NTMT2: variants seen among roughly 807,000 people sequenced by gnomAD.
NTMT2 encodes N-terminal Xaa-Pro-Lys N-methyltransferase 2.
NTMT2 carries 21 observed loss-of-function variants against 23.4 expected under a neutral mutation model. The ratio of observed to expected loss-of-function variants is 0.90; its 90% confidence interval spans 0.64 to 1.29. The LOEUF is 1.29. NTMT2 is among the 50% of genes most tolerant of loss of function. The pLI is 0.00. For missense variants in NTMT2, 336 were observed against 352.0 expected (o/e 0.95, Z 0.36); for synonymous variants, 131 against 127.7 (o/e 1.03, Z -0.17).
chr1:170,160,474 T>A (rs1428770034), intron 1 of NTMT2, 44 bp from the exon 2 acceptor site: 1 of 1,392,498 alleles, frequency 7.2e-7, no homozygotes, highest in East Asian at 2.6e-5. Flanking sequence ...GAGATTTTTT[T>A]ATCTTATAAA....
chr1:170,167,531 G>A lies in NTMT2; in HGVS notation c.626G>A (p.Arg209Gln), dbSNP rs78678262. The A allele has an allele frequency of 9.5e-3, 14,751 of 1,551,602 alleles. 387 individuals are homozygous for A. The highest frequency in any genetic ancestry group is 0.069 in the South Asian group (5,826 of 84,044). ...KDLLAFLSRC[R>Q]DGLKENGIII... ...CTTCTTGCATTTCTTTCCCGGTGCC[G>A]AGATGGCCTGAAAGAAAATGGCATC... is the stretch of plus-strand genomic sequence containing the variant. The change falls in exon 4 of 4, where the codon CGA becomes CAA. Residue 209 changes from arginine to glutamine, a missense_variant. Arg to Gln is a conservative substitution (Grantham distance 43, BLOSUM62 1). Coordinates refer to ENST00000439373, the MANE Select transcript of NTMT2 (RefSeq NM_001136107.2).
intron 2 of NTMT2, among the ~76,000 whole-genome samples, chr1:170,166,296 C>T (rs1673384085): frequency 1.2e-5 from 1 of 86,446 alleles, no homozygotes; most frequent in African/African-American, 3.7e-5. Context: ...CCCACCATCA[C>T]GCCCGGCTAA....
rs915337641 is a variant in NTMT2, at chr1:170,167,708, A to T, written c.803A>T (p.Gln268Leu). 2 of 1,551,602 alleles carry T rather than the reference A, an allele frequency of 1.3e-6. No individual in the cohort carries two copies. The highest frequency in any genetic ancestry group is 3.9e-5 in the Admixed American group (2 of 50,998). The stretch of plus-strand genomic sequence containing the variant: ...GAGAAGCAGGATGGCTTCCCAGAGC[A>T]GTGCATCCCCGTGTGGATGTTCGCA... ...GQEKQDGFPE[Q>L]CIPVWMFALH... The change falls in exon 4 of 4, where the codon CAG becomes CTG. Residue 268 changes from glutamine to leucine, a missense_variant. Physicochemically the swap from Gln to Leu is moderately radical, Grantham distance 113. Coordinates refer to ENST00000439373, the MANE Select transcript of NTMT2 (RefSeq NM_001136107.2).
intron 1 of NTMT2, among the ~76,000 whole-genome samples, chr1:170,147,983 A>T (rs1008447942): frequency 2.0e-5 from 3 of 152,060 alleles, no homozygotes; most frequent in Non-Finnish European, 2.9e-5. Context: ...TGACCTTTTA[A>T]AAAAACATTA....
intron 1 of NTMT2, among the ~76,000 whole-genome samples, chr1:170,151,626 C>A (rs993954459): frequency 6.6e-6 from 1 of 152,034 alleles, no homozygotes. Context: ...AATACAAATG[C>A]TGCAAGACCA....
chr1:170,163,580 A>G (rs1673313786), intron 2 of NTMT2, among the ~76,000 whole-genome samples: 1 of 152,172 alleles, frequency 6.6e-6, no homozygotes, highest in African/African-American at 2.4e-5. Flanking sequence ...TATTTTTTTG[A>G]CAGTATTTAT....
At chr1:170,167,386 A>G (rs1201702356) in intron 3 of NTMT2, 100 bp from the exon 4 acceptor site, 1 of 1,106,704 alleles carries the variant, frequency 9.0e-7, no homozygotes, top group African/African-American at 1.6e-5. Context: ...GAATGAGTGA[A>G]CAAATGGTCT....
intron 1 of NTMT2, among the ~76,000 whole-genome samples, chr1:170,154,663 T>TTTACCAGATTC (rs1216673928): frequency 6.6e-6 from 1 of 151,164 alleles, no homozygotes; most frequent in Non-Finnish European, 1.5e-5. Context: ...ATAACTTGTT[T>TTTACCAGATTC]TGATTTTATG....
intron 1 of NTMT2, among the ~76,000 whole-genome samples, chr1:170,148,097 C>T (rs892597628): frequency 6.6e-6 from 1 of 150,524 alleles, no homozygotes; most frequent in Non-Finnish European, 1.5e-5. Context: ...AGGACCCTTT[C>T]CTTGGTCTAT....
chr1:170,163,670 G>C (rs1200458124), intron 2 of NTMT2, among the ~76,000 whole-genome samples: 2 of 152,184 alleles, frequency 1.3e-5, no homozygotes, highest in Non-Finnish European at 2.9e-5. Flanking sequence ...TTTACACAGT[G>C]ACATGAGGTC....
chr1:170,153,824 T>C (rs547739043), intron 1 of NTMT2, among the ~76,000 whole-genome samples: 1 of 152,330 alleles, frequency 6.6e-6, no homozygotes, highest in African/African-American at 2.4e-5. Flanking sequence ...AGAATTAAAG[T>C]AGATTGTGAA....
chr1:170,160,030 T>A (rs1271691293), intron 1 of NTMT2, among the ~76,000 whole-genome samples: 1 of 152,214 alleles, frequency 6.6e-6, no homozygotes, highest in Non-Finnish European at 1.5e-5. Context: ...CATATTTGGA[T>A]ATGTGTTGCT....
chr1:170,163,118 C>T (rs372738300), intron 2 of NTMT2, among the ~76,000 whole-genome samples: 7 of 152,264 alleles, frequency 4.6e-5, no homozygotes, highest in Non-Finnish European at 7.4e-5. Context: ...AACAGCCTTG[C>T]GCTAGCATAT....
chr1:170,158,377 C>A (rs1021785767), intron 1 of NTMT2, among the ~76,000 whole-genome samples: 4 of 151,882 alleles, frequency 2.6e-5, no homozygotes, highest in African/African-American at 9.7e-5. Context: ...ATACTCATAC[C>A]AATAAATTAT....
chr1:170,152,711 C>G (rs946563221), intron 1 of NTMT2, among the ~76,000 whole-genome samples: 5 of 151,884 alleles, frequency 3.3e-5, no homozygotes, highest in Non-Finnish European at 7.4e-5. Context: ...TGATAAATCC[C>G]CCCCCCACCA....
intron 2 of NTMT2, among the ~76,000 whole-genome samples, chr1:170,162,856 CTTTATTTA>C (rs61583139): frequency 4.0e-5 from 6 of 148,834 alleles, no homozygotes; most frequent in Non-Finnish European, 6.0e-5. Context: ...AAAATCCCTG[CTTTATTTA>C]TTTATTTATT....
At chr1:170,163,544 A>G (rs1673312743) in intron 2 of NTMT2, among the ~76,000 whole-genome samples, 1 of 152,242 alleles carries the variant, frequency 6.6e-6, no homozygotes, top group Non-Finnish European at 1.5e-5. Flanking sequence ...AGTGGGAGAA[A>G]GTAGTAATTC....
chr1:170,167,671 G>A lies in NTMT2; in HGVS notation c.766G>A (p.Val256Met). Reference protein sequence around the residue: ...RSLIRKSGLVVLGQEKQDGFP... With the variant: ...RSLIRKSGLVMLGQEKQDGFP... Reference sequence around the variant, plus strand: ...CCTAATAAGGAAGAGTGGGCTGGTGGTGCTGGGCCAGGAGAAGCAGGATGG... The same window carrying A: ...CCTAATAAGGAAGAGTGGGCTGGTGATGCTGGGCCAGGAGAAGCAGGATGG... Residue 256 changes from valine to methionine, a missense_variant, in exon 4 of 4, where the codon GTG (valine) becomes ATG (methionine). Val to Met is a conservative substitution (Grantham distance 21). Transcript: ENST00000439373. 6.4e-7 allele frequency: 1 copy of A among 1,551,702 alleles called. No individual in the cohort carries two copies.
intron 1 of NTMT2, among the ~76,000 whole-genome samples, chr1:170,151,079 A>G (rs1220695691): frequency 1.3e-5 from 2 of 152,200 alleles, no homozygotes; most frequent in Admixed American, 6.5e-5. Flanking sequence ...CTTCATGTGT[A>G]GAACAATGGT....
Sources: allele counts gnomAD v4.1 joint callset (sites outside exome capture counted in the v4.1 genomes callset), GRCh38; gene constraint gnomAD v4.1.1; transcripts MANE v1.5; gene names NCBI Gene and HGNC (gene_info 2026-07-23, HGNC 2026-07-21).